The following SLC44A1 variants were observed in gnomAD, a reference collection of about 807,000 sequenced individuals.
SLC44A1 encodes choline transporter-like protein 1.
A neutral mutation model predicts 79.3 loss-of-function variants in SLC44A1; 26 were observed. The observed-to-expected ratio is 0.33, with a 90% CI of 0.24 to 0.46. The LOEUF (loss-of-function observed/expected upper bound fraction) is 0.46. Among genes scored for constraint, SLC44A1 ranks in the 20% least tolerant of loss-of-function variants. SLC44A1 has a pLI of 1.00. For synonymous variants in SLC44A1, 263 were observed against 286.2 expected (o/e 0.92, Z 0.82); for missense variants, 688 against 798.1 (o/e 0.86, Z 1.66).
intron 1 of SLC44A1, among the ~76,000 whole-genome samples, chr9:105,268,147 C>T (rs1830001797): frequency 6.6e-6 from 1 of 152,122 alleles, no homozygotes; most frequent in African/African-American, 2.4e-5. Context: ...TGTCCAACTG[C>T]ACAGAAGATC....
chr9:105,384,335 C>G (rs1337622052), intron 14 of SLC44A1, among the ~76,000 whole-genome samples: 1 of 152,064 alleles, frequency 6.6e-6, no homozygotes, highest in Admixed American at 6.6e-5. Context: ...CATGTGCCAC[C>G]ACTCCTGGCT....
chr9:105,396,550 A>G lies in SLC44A1; in HGVS notation c.*7494A>G. 1 of 985,418 alleles carries G rather than the reference A, an allele frequency of 1.0e-6. No individual in the cohort carries two copies. Among genetic ancestry groups the G allele is most frequent in the Non-Finnish European group, 1.2e-6 (1 of 829,926 alleles). The allele number at this position is 985,418 out of a possible 1,614,324, so 61.0% of individuals were successfully genotyped here. On this transcript the variant is annotated 3_prime_UTR_variant, in exon 16 of 16. Transcript: ENST00000374720. Reference sequence around the variant, plus strand: ...TCAGTCAATACAGTAGGGACCTGCTATTGATCTCTCAGGCACTGAGTCTTC... The same window carrying G: ...TCAGTCAATACAGTAGGGACCTGCTGTTGATCTCTCAGGCACTGAGTCTTC...
chr9:105,284,963 A>T (rs569579483), intron 1 of SLC44A1, among the ~76,000 whole-genome samples: 2 of 152,262 alleles, frequency 1.3e-5, no homozygotes, highest in East Asian at 3.9e-4. Context: ...TTCTGTCTCT[A>T]TAGATTTGCC....
chr9:105,295,918 A>G (rs1000768795), intron 1 of SLC44A1, among the ~76,000 whole-genome samples: 1 of 152,228 alleles, frequency 6.6e-6, no homozygotes, highest in African/African-American at 2.4e-5. Context: ...CTTTGAGTCT[A>G]ATGTCTGATT....
chr9:105,411,325 C>G (rs1829091285), intron 15 of SLC44A1, among the ~76,000 whole-genome samples: 1 of 151,696 alleles, frequency 6.6e-6, no homozygotes, highest in Non-Finnish European at 1.5e-5. Flanking sequence ...CTCCTCATTT[C>G]CACTCCTCTA....
At chr9:105,386,213 T>A (rs1828622486) in intron 15 of SLC44A1, 1 of 983,958 alleles carries the variant, frequency 1.0e-6, no homozygotes, top group African/African-American at 1.7e-5. Context: ...AGCAGCTTAA[T>A]GAGTGTAAGA....
chr9:105,366,797 GA>G (rs1461592530), intron 12 of SLC44A1, among the ~76,000 whole-genome samples: 2 of 152,014 alleles, frequency 1.3e-5, no homozygotes, highest in Non-Finnish European at 2.9e-5. Context: ...TTTTTCCTAA[GA>G]ATCTGACTAC....
chr9:105,420,715 G>A (rs950359508), intron 15 of SLC44A1, among the ~76,000 whole-genome samples: 9 of 151,938 alleles, frequency 5.9e-5, no homozygotes, highest in Non-Finnish European at 8.8e-5. Flanking sequence ...TACAAAATTA[G>A]CCGGGCGTGG....
chr9:105,283,728 C>T (rs867461021), intron 1 of SLC44A1, among the ~76,000 whole-genome samples: 2 of 152,158 alleles, frequency 1.3e-5, no homozygotes, highest in Non-Finnish European at 2.9e-5. Context: ...CCAATATGTG[C>T]GAGTCCTTTC....
At chr9:105,404,848 T>C (rs577643192) in intron 15 of SLC44A1, among the ~76,000 whole-genome samples, 1 of 152,378 alleles carries the variant, frequency 6.6e-6, no homozygotes, top group South Asian at 2.1e-4. Flanking sequence ...GCTCAGGATC[T>C]TCCTTTGTAA....
intron 1 of SLC44A1, among the ~76,000 whole-genome samples, chr9:105,256,044 TG>T (rs1219577362): frequency 6.6e-6 from 1 of 152,110 alleles, no homozygotes; most frequent in African/African-American, 2.4e-5. Flanking sequence ...GACAGGGTCT[TG>T]CTCTGTCACC....
At chr9:105,427,805 T>G (rs1829342678) in intron 15 of SLC44A1, among the ~76,000 whole-genome samples, 1 of 152,220 alleles carries the variant, frequency 6.6e-6, no homozygotes, top group African/African-American at 2.4e-5. Context: ...AGTCTATGAA[T>G]GTCACCATTT....
rs1292079076 is a variant in SLC44A1, at chr9:105,390,701, A to G, written c.*1645A>G. 3 of 985,534 alleles carry G rather than the reference A, an allele frequency of 3.0e-6. No homozygotes were observed. Among genetic ancestry groups the G allele is most frequent in the Non-Finnish European group, 2.4e-6 (2 of 829,782 alleles). The allele number at this position is 985,534 out of a possible 1,614,324, so 61.0% of individuals were successfully genotyped here. ...TACTCTAGCTAGGCTAAAATTTGCT[A>G]AATGCCTTGGTTTCTTTTAAAAGTT... On this transcript the variant is annotated 3_prime_UTR_variant, in exon 16 of 16. Coordinates refer to ENST00000374720, the MANE Select transcript of SLC44A1 (RefSeq NM_080546.5).
intron 1 of SLC44A1, among the ~76,000 whole-genome samples, chr9:105,284,397 A>G (rs1209922139): frequency 6.6e-6 from 1 of 152,072 alleles, no homozygotes; most frequent in Non-Finnish European, 1.5e-5. Flanking sequence ...AGCTGTGTTT[A>G]TACTGCAGTC....
At chr9:105,265,159 A>G (rs1829932272) in intron 1 of SLC44A1, among the ~76,000 whole-genome samples, 1 of 152,062 alleles carries the variant, frequency 6.6e-6, no homozygotes, top group South Asian at 2.1e-4. Context: ...TTTATTTTTT[A>G]ATTTACATAC....
Position 105,380,938 on chromosome 9 carries a change from G to A in SLC44A1, c.1633-2185G>A, listed in dbSNP as rs375367196. ...CATTAATGTATCTGTTTGAATAAGT[G>A]CATAACACTCTTTCATTATATTTGG... On this transcript the variant is annotated intron_variant, in intron 13 of 15. Transcript: ENST00000374720. 2.0e-3 allele frequency among the ~76,000 whole-genome samples: 310 copies of A among 152,234 alleles called. 1 individual carries two copies. The highest frequency in any genetic ancestry group is 7.3e-3 in the African/African-American group (303 of 41,534).
At chr9:105,366,144 G>A (rs1161688872) in intron 11 of SLC44A1, among the ~76,000 whole-genome samples, 1 of 152,028 alleles carries the variant, frequency 6.6e-6, no homozygotes, top group Admixed American at 6.6e-5. Context: ...TGTATATGCA[G>A]TAGAGACTAA....
chr9:105,281,087 C>T (rs563773845), intron 1 of SLC44A1, among the ~76,000 whole-genome samples: 4 of 152,164 alleles, frequency 2.6e-5, no homozygotes, highest in African/African-American at 9.7e-5. Flanking sequence ...CATAACAGAG[C>T]AAAAAATTCA....
intron 3 of SLC44A1, among the ~76,000 whole-genome samples, chr9:105,318,160 G>A (rs1249568114): frequency 2.0e-5 from 3 of 152,196 alleles, no homozygotes; most frequent in East Asian, 3.9e-4. Context: ...AAAACTTATT[G>A]TATTATTTAT....
Sources: allele counts gnomAD v4.1 joint callset (sites outside exome capture counted in the v4.1 genomes callset), GRCh38; gene constraint gnomAD v4.1.1; transcripts MANE v1.5; gene names NCBI Gene and HGNC (gene_info 2026-07-23, HGNC 2026-07-21).